The following MSTO1 variants were observed in gnomAD, a reference collection of about 807,000 sequenced individuals.
MSTO1 encodes the protein protein misato homolog 1.
Under a neutral mutation model 55.7 loss-of-function variants are expected in MSTO1, and 24 were observed. The ratio of observed to expected loss-of-function variants is 0.43; its 90% CI spans 0.31 to 0.61. The LOEUF (loss-of-function observed/expected upper bound fraction) is 0.61, where lower values mean the gene tolerates loss of function less well. Among genes scored for constraint, MSTO1 ranks in the 20% least tolerant of loss-of-function variants. The pLI is 0.09. For synonymous variants in MSTO1, 162 were observed against 252.8 expected, an observed-to-expected ratio of 0.64 and a Z score of 3.41; for missense variants, 363 against 625.7, an observed-to-expected ratio of 0.58 and a Z score of 4.48.
upstream of MSTO1, among the ~76,000 whole-genome samples, chr1:155,609,238 T>C (rs1673253966): frequency 1.5e-5 from 1 of 67,004 alleles, no homozygotes; most frequent in Non-Finnish European, 2.6e-5. Flanking sequence ...TATATATATA[T>C]ATATATTTTT....
At chr1:155,598,903 C>T in the MSTO1 span, 39 of 1,449,400 alleles carry the variant, frequency 2.7e-5, no homozygotes, top group Admixed American at 2.0e-4. Flanking sequence ...GCTGATACTA[C>T]GTATTCCAGA....
At position 155,613,494 on chromosome 1, in the gene MSTO1, C is replaced by T. The variant is rs767527343; in HGVS notation, c.1316C>T (p.Ala439Val). Residue 439 changes from alanine to valine, a missense_variant, in exon 12 of 14, where the codon GCC becomes GTC. Transcript: ENST00000245564. ...QLTPGTPPPS[A>V]LHACTTGEEI... is the part of the protein sequence containing the mutation. ...ACCCCAGGGACACCTCCACCCTCTGCCCTTCATGCATGTACCACTGGGGAA... is the reference window on the plus strand; with the variant it reads ...ACCCCAGGGACACCTCCACCCTCTGTCCTTCATGCATGTACCACTGGGGAA... The T allele has an allele frequency of 5.6e-6, 9 of 1,613,806 alleles. No homozygotes were observed. In the East Asian group the frequency reaches 6.7e-5, roughly 12 times the overall value.
chr1:155,591,267 A>G, the MSTO1 span: 50 of 1,590,810 alleles, frequency 3.1e-5, no homozygotes, highest in South Asian at 3.7e-4. Flanking sequence ...GGCCATGGTG[A>G]GATTGAAGGA....
At chr1:155,574,613 C>G in the MSTO1 span, among the ~76,000 whole-genome samples, 10 of 152,098 alleles carry the variant, frequency 6.6e-5, no homozygotes, top group African/African-American at 2.2e-4. Context: ...GTTACCCAGG[C>G]TGGAGTGCAG....
chr1:155,568,143 G>T, the MSTO1 span, among the ~76,000 whole-genome samples: 1 of 150,700 alleles, frequency 6.6e-6, no homozygotes, highest in African/African-American at 2.4e-5. Flanking sequence ...GCAGTGTCAC[G>T]ATCTGGGCTC....
chr1:155,612,376 A>G (rs766230498), intron 8 of MSTO1, 42 bp from the exon 9 acceptor site: 1 of 1,586,078 alleles, frequency 6.3e-7, no homozygotes, highest in Non-Finnish European at 8.6e-7. Flanking sequence ...TCAGAATCCC[A>G]GTGGGAGAGC....
the MSTO1 span, among the ~76,000 whole-genome samples, chr1:155,570,674 G>A: frequency 3.3e-5 from 5 of 152,142 alleles, 1 homozygote; most frequent in South Asian, 2.1e-4. Flanking sequence ...ATATTGTTCC[G>A]TTTTCTTATT....
chr1:155,571,720 T>C, the MSTO1 span, among the ~76,000 whole-genome samples: 5 of 152,190 alleles, frequency 3.3e-5, no homozygotes, highest in African/African-American at 9.7e-5. Flanking sequence ...TAAGGAATTC[T>C]GCTTTTTCTC....
At chr1:155,595,332 C>T in the MSTO1 span, among the ~76,000 whole-genome samples, 2 of 151,864 alleles carry the variant, frequency 1.3e-5, no homozygotes, top group Non-Finnish European at 2.9e-5. Context: ...TGCCCACCAC[C>T]ATGCCTGGTT....
chr1:155,613,349 A>G, intron 11 of MSTO1, 113 bp from the exon 12 acceptor site: 2 of 1,562,878 alleles, frequency 1.3e-6, no homozygotes, highest in South Asian at 1.2e-5. Context: ...TTAAAAAGGA[A>G]AAAAAAAAGG....
upstream of MSTO1, chr1:155,610,156 A>C (rs1056170325): frequency 1.2e-5 from 14 of 1,197,000 alleles, no homozygotes; most frequent in African/African-American, 3.0e-5. Flanking sequence ...TAAGTAGCCG[A>C]GAATAACACC....
the MSTO1 span, among the ~76,000 whole-genome samples, chr1:155,572,504 G>A: frequency 4.6e-5 from 7 of 152,004 alleles, no homozygotes; most frequent in Non-Finnish European, 7.4e-5. Flanking sequence ...ACGAAGTCAG[G>A]AGTTCAAGAC....
the MSTO1 span, chr1:155,563,414 A>G: frequency 4.2e-5 from 19 of 456,572 alleles, 1 homozygote; most frequent in Middle Eastern, 3.3e-4. Flanking sequence ...GAGTGAGGCC[A>G]GTAGGACCGG....
At chr1:155,602,455 G>A in the MSTO1 span, among the ~76,000 whole-genome samples, 323 of 152,182 alleles carry the variant, frequency 2.1e-3, no homozygotes, top group African/African-American at 7.5e-3. Context: ...CAGCCTGGGC[G>A]ACAAGAGCGA....
At chr1:155,580,302 G>T in the MSTO1 span, among the ~76,000 whole-genome samples, 5 of 151,244 alleles carry the variant, frequency 3.3e-5, no homozygotes, top group Admixed American at 6.6e-5. Flanking sequence ...GAGGCAGGAC[G>T]ATCCCTTGTG....
the MSTO1 span, among the ~76,000 whole-genome samples, chr1:155,566,794 T>C: frequency 1.4e-4 from 22 of 151,930 alleles, no homozygotes; most frequent in South Asian, 6.2e-4. Context: ...TTTGTATTTT[T>C]AGTAGAGATG....
chr1:155,591,071 T>G, the MSTO1 span: 3 of 1,613,722 alleles, frequency 1.9e-6, no homozygotes, highest in South Asian at 3.3e-5. Context: ...TCGTACACCT[T>G]GCACTGCATC....
chr1:155,592,143 A>T, the MSTO1 span, among the ~76,000 whole-genome samples: 1 of 152,170 alleles, frequency 6.6e-6, no homozygotes, highest in African/African-American at 2.4e-5. Context: ...TTGTATTCTC[A>T]GTGGCCTAAC....
the MSTO1 span, among the ~76,000 whole-genome samples, chr1:155,577,907 A>G: frequency 6.6e-6 from 1 of 152,114 alleles, no homozygotes; most frequent in Non-Finnish European, 1.5e-5. Context: ...CACTACACCC[A>G]GCTAATTTTG....
Sources: allele counts gnomAD v4.1 joint callset (sites outside exome capture counted in the v4.1 genomes callset), GRCh38; gene constraint gnomAD v4.1.1; transcripts MANE v1.5; gene names NCBI Gene and HGNC (gene_info 2026-07-23, HGNC 2026-07-21).